The following PPP1R3F variants were observed in gnomAD, a reference collection of about 807,000 sequenced individuals.
PPP1R3F encodes the protein protein phosphatase 1 regulatory subunit 3F.
PPP1R3F carries 29 observed loss-of-function variants against 24.2 expected under a neutral mutation model. That is an observed-to-expected ratio of 1.20 (90% CI 0.89 to 1.63). The LOEUF is 1.63. Ranked by LOEUF, PPP1R3F falls within the 40% of genes most tolerant of loss-of-function variation. The probability of loss-of-function intolerance (pLI) is 0.00; values close to 1 mark genes in which losing one functional copy is unlikely to be tolerated. For missense variants in PPP1R3F, 823 were observed against 729.3 expected, an observed-to-expected ratio of 1.13 and a Z score of -1.48; for synonymous variants, 363 against 340.1, an observed-to-expected ratio of 1.07 and a Z score of -0.74.
At chrX:49,284,509 C>CTTTTTTTTTTTTT (rs145170789) in intron 3 of PPP1R3F, among the ~76,000 whole-genome samples, 2 of 50,857 alleles carry the variant, frequency 3.9e-5, no homozygotes, top group African/African-American at 7.3e-5. Context: ...CTTTTTCTTT[C>CTTTTTTTTTTTTT]TTTTTTTTTT....
intron 3 of PPP1R3F, among the ~76,000 whole-genome samples, chrX:49,297,825 C>G: frequency 1.5e-5 from 1 of 66,567 alleles, no homozygotes; most frequent in Non-Finnish European, 2.5e-5. Flanking sequence ...ATTGCAACCC[C>G]TGCTTTTTTT....
Position 49,286,590 on chromosome X carries a change from A to G in PPP1R3F, c.1900A>G (p.Thr634Ala). ...SGCDGPVVLGTEGQFIGDPEK... is the reference protein window; with the variant it reads ...SGCDGPVVLGAEGQFIGDPEK... ...ATGTGACGGCCCTGTGGTTCTGGGT[A>G]CAGAGGGTCAGTTCATTGGGGATCC... The change falls in exon 4 of 4, where the codon ACA (threonine) becomes GCA (alanine). Residue 634 changes from threonine (T) to alanine (A), a missense_variant. Coordinates refer to ENST00000055335, the MANE Select transcript of PPP1R3F (RefSeq NM_033215.5). 2 of 1,211,294 alleles carry G rather than the reference A, an allele frequency of 1.7e-6. No individual in the cohort carries two copies. Among genetic ancestry groups the G allele is most frequent in the South Asian group, 3.5e-5 (2 of 56,867 alleles).
chrX:49,274,912 A>G (rs1242451187), intron 1 of PPP1R3F: 1 of 110,579 alleles, frequency 9.0e-6, no homozygotes, highest in Non-Finnish European at 1.9e-5. Flanking sequence ...TGCTCAGGCC[A>G]CTTCTCCCTC....
In PPP1R3F at chrX:49,286,698, G is replaced by A. The variant is rs1031828625; in HGVS notation, c.2008G>A (p.Gly670Arg). 11 of 1,209,358 alleles carry A rather than the reference G, an allele frequency of 9.1e-6. No individual in the cohort carries two copies. Among genetic ancestry groups the A allele is most frequent in the Non-Finnish European group, 1.2e-5 (11 of 894,191 alleles). The change falls in exon 4 of 4, where the codon GGG (glycine) becomes AGG (arginine). Residue 670 changes from glycine (G) to arginine (R), a missense_variant. Physicochemically the swap from Gly to Arg is moderately radical, Grantham distance 125. Coordinates refer to ENST00000055335, the MANE Select transcript of PPP1R3F (RefSeq NM_033215.5). ...AGVTESLGEA[G>R]TEAQIEVTSE... ...GGTGACTGAGTCCCTGGGGGAGGCCGGGACAGAAGCCCAGATAGAGGTCAC... is the reference window on the plus strand; with the variant it reads ...GGTGACTGAGTCCCTGGGGGAGGCCAGGACAGAAGCCCAGATAGAGGTCAC...
rs183100950 is a variant in PPP1R3F at position 49,296,521 on chromosome X, G to C, written c.393-4830G>C. Among the ~76,000 whole-genome samples, 302 of 111,398 alleles carry C rather than the reference G, an allele frequency of 2.7e-3. 1 individual carries two copies. The highest frequency in any genetic ancestry group is 9.3e-3 in the Middle Eastern group (2 of 216). ...GTTTTTCACCTCTCTGTCTCCTTCAGTTCTGCTCTGATCTTAGTTATTTCT... is the reference window on the plus strand; with the variant it reads ...GTTTTTCACCTCTCTGTCTCCTTCACTTCTGCTCTGATCTTAGTTATTTCT... On this transcript the variant is annotated intron_variant, in intron 3 of 3. Transcript: ENST00000471261.
At chrX:49,295,954 G>A (rs1421116878) in intron 3 of PPP1R3F, among the ~76,000 whole-genome samples, 1 of 110,870 alleles carries the variant, frequency 9.0e-6, no homozygotes, top group Non-Finnish European at 1.9e-5. Flanking sequence ...TGATACATGA[G>A]GTATCATATT....
chrX:49,278,273 C>T (rs782484448), intron 1 of PPP1R3F, among the ~76,000 whole-genome samples: 37 of 112,190 alleles, frequency 3.3e-4, no homozygotes, highest in Admixed American at 1.2e-3. Flanking sequence ...TTGCCTGCTA[C>T]TGCGCACAGG....
chrX:49,287,182 C>T lies in PPP1R3F; in HGVS notation c.*92C>T. On this transcript the variant is annotated 3_prime_UTR_variant, in exon 4 of 4. Transcript: ENST00000055335. ...GTCCTTTGCTTCTGAGAATGCTCAACTGAAAGAGAGGCCTTCTCATCCCCA... is the reference window on the plus strand; with the variant it reads ...GTCCTTTGCTTCTGAGAATGCTCAATTGAAAGAGAGGCCTTCTCATCCCCA... 4 of 947,237 alleles carry T rather than the reference C, an allele frequency of 4.2e-6. No homozygotes were observed. The highest frequency in any genetic ancestry group is 5.8e-6 in the Non-Finnish European group (4 of 691,423). 78.1% of individuals were successfully genotyped at this position (947,237 alleles called of 1,213,427 possible). A position where few individuals can be genotyped will look rare whatever the true frequency, so the allele number is the denominator to read the frequency against.
downstream of PPP1R3F, among the ~76,000 whole-genome samples, chrX:49,288,615 A>G (rs2066299986): frequency 8.9e-6 from 1 of 112,390 alleles, no homozygotes; most frequent in Non-Finnish European, 1.9e-5. Context: ...CGACCAATAA[A>G]AAAACAGTGA....
rs2066287828 is a variant in PPP1R3F at position 49,286,714 on chromosome X, TAGAG to T, written c.2025_2028del (p.Ile675MetfsTer44). The T allele has an allele frequency of 1.7e-6, 2 of 1,206,656 alleles. No individual in the cohort carries two copies. Among genetic ancestry groups the T allele is most frequent in the African/African-American group, 1.7e-5 (1 of 57,153 alleles). The stretch of plus-strand genomic sequence containing the variant: ...GGGGAGGCCGGGACAGAAGCCCAGA[TAGAG>T]GTCACCAGTGAGTGGGCAGGCAGCT... On this transcript the variant is annotated frameshift_variant, in exon 4 of 4. Transcript: ENST00000055335. LOFTEE classifies it low-confidence loss of function (END_TRUNC).
At chrX:49,294,469 C>T (rs2066317442) in intron 3 of PPP1R3F, among the ~76,000 whole-genome samples, 1 of 109,639 alleles carries the variant, frequency 9.1e-6, no homozygotes, top group African/African-American at 3.3e-5. Context: ...ATCCGCCAAC[C>T]TCGGCCTCTC....
chrX:49,288,696 G>A (rs1359140034), downstream of PPP1R3F, among the ~76,000 whole-genome samples: 1 of 112,313 alleles, frequency 8.9e-6, no homozygotes. Flanking sequence ...TAGACCAGTG[G>A]GGAAATGATT....
chrX:49,285,344 C>A (rs1173635718), intron 3 of PPP1R3F, among the ~76,000 whole-genome samples: 2 of 110,693 alleles, frequency 1.8e-5, no homozygotes, highest in African/African-American at 6.6e-5. Context: ...TACAGGCGCA[C>A]AACACCACGC....
At chrX:49,292,544 C>T (rs1317981954), downstream of PPP1R3F, among the ~76,000 whole-genome samples, 1 of 112,511 alleles carries the variant, frequency 8.9e-6, no homozygotes, top group Non-Finnish European at 1.9e-5. Flanking sequence ...CAGGAAAAGG[C>T]CACCAACCCC....
At position 49,286,775 on chromosome X, in the gene PPP1R3F, T is replaced by C; in HGVS notation, c.2085T>C (p.Ser695=). The change falls in exon 4 of 4, where the codon TCT becomes TCC. Residue 695 remains serine, a synonymous_variant. Transcript: ENST00000055335. ...LDPISGKEPA[S]PVLLQGQNPT... is the part of the protein sequence containing the mutation. The stretch of plus-strand genomic sequence containing the variant: ...CCATATCTGGCAAGGAGCCAGCCTC[T>C]CCCGTCCTTCTGCAGGGGCAAAATC... The C allele has an allele frequency of 8.3e-7, 1 of 1,202,281 alleles. No homozygotes were observed. The highest frequency in any genetic ancestry group is 1.7e-5 in the African/African-American group (1 of 57,643).
chrX:49,284,511 T>TTC (rs1407246606), intron 3 of PPP1R3F, among the ~76,000 whole-genome samples: 3 of 37,625 alleles, frequency 8.0e-5, no homozygotes, highest in African/African-American at 1.6e-4. Flanking sequence ...TTTTCTTTCT[T>TTC]TTTTTTTTTT....
chrX:49,269,998 C>G lies in PPP1R3F; in HGVS notation c.129C>G (p.Ala43=). ...APRRVLFADE[A]LGLPLAQLRR... ...GGAGGGTGCTGTTCGCCGACGAGGC[C>G]TTGGGGCTGCCGCTGGCGCAGTTGC... Residue 43 remains alanine, a synonymous_variant, in exon 1 of 4, where the codon GCC becomes GCG. Coordinates refer to ENST00000055335, the MANE Select transcript of PPP1R3F (RefSeq NM_033215.5). 1 of 922,421 alleles carries G rather than the reference C, an allele frequency of 1.1e-6. No individual in the cohort carries two copies. 76.0% of individuals were successfully genotyped at this position (922,421 alleles called of 1,213,427 possible).
chrX:49,288,918 A>G (rs932023519), downstream of PPP1R3F, among the ~76,000 whole-genome samples: 5 of 111,279 alleles, frequency 4.5e-5, no homozygotes, highest in Non-Finnish European at 7.5e-5. Context: ...AGATGGGCGG[A>G]TCAGGAGTTT....
chrX:49,297,033 G>T (rs1173129517), intron 3 of PPP1R3F, among the ~76,000 whole-genome samples: 1 of 110,080 alleles, frequency 9.1e-6, no homozygotes, highest in Non-Finnish European at 1.9e-5. Flanking sequence ...TATTAGGCCC[G>T]CTTGGTCCAG....
Sources: gnomAD v4.1 joint callset for allele counts (sites outside exome capture counted in the v4.1 genomes callset) on GRCh38, gnomAD v4.1.1 for gene constraint, MANE v1.5 for transcripts, NCBI Gene and HGNC (gene_info 2026-07-23, HGNC 2026-07-21) for gene names.